Variants in ANXA3 observed in about 807,000 individuals in gnomAD.
ANXA3 encodes the protein annexin A3, also known as 35-alpha calcimedin.
In ANXA3, 46 loss-of-function variants were observed where a neutral mutation model predicts 48.8. The observed-to-expected ratio is 0.94, with a 90% CI of 0.74 to 1.21. The LOEUF is 1.21. ANXA3 is among the 50% of genes most tolerant of loss of function. ANXA3 has a pLI of 0.00. For missense variants in ANXA3, 383 were observed against 378.6 expected (o/e 1.01, Z -0.10); for synonymous variants, 128 against 134.7 (o/e 0.95, Z 0.35).
Position 78,586,469 on chromosome 4 carries a change from C to T in ANXA3, c.403+119C>T, listed in dbSNP as rs531072691. On this transcript the variant is annotated intron_variant, in intron 6 of 12. Transcript: ENST00000264908. ...TTTGAGAAGACAAGACTTACAGAAA[C>T]GAGAATACATTCTAAAATCAGCTAA... 169 of 658,594 alleles carry T rather than the reference C, an allele frequency of 2.6e-4. 1 individual carries two copies. The highest frequency in any genetic ancestry group is 2.1e-3 in the South Asian group (92 of 44,178). The allele number at this position is 658,594 out of a possible 1,614,324, so 40.8% of individuals were successfully genotyped here. A position where few individuals can be genotyped will look rare whatever the true frequency, so the allele number is the denominator to read the frequency against.
At chr4:78,585,737 A>G (rs1723161025) in intron 5 of ANXA3, among the ~76,000 whole-genome samples, 1 of 152,184 alleles carries the variant, frequency 6.6e-6, no homozygotes, top group Non-Finnish European at 1.5e-5. Flanking sequence ...TCTTGGAGTC[A>G]CAGTGTGATT....
chr4:78,557,694 T>C (rs71596769), intron 2 of ANXA3, among the ~76,000 whole-genome samples: 104,390 of 147,046 alleles, frequency 0.71, 37,906 homozygotes, highest in East Asian at 0.88. Flanking sequence ...TTTTTCTTTT[T>C]TTTTTTTTTT....
At chr4:78,567,314 G>A (rs1195569772) in intron 2 of ANXA3, among the ~76,000 whole-genome samples, 1 of 152,190 alleles carries the variant, frequency 6.6e-6, no homozygotes, top group Non-Finnish European at 1.5e-5. Flanking sequence ...TCAAGGTGTG[G>A]TCAGGGCCGT....
intron 2 of ANXA3, among the ~76,000 whole-genome samples, chr4:78,560,509 C>T (rs987686418): frequency 6.6e-6 from 1 of 152,202 alleles, no homozygotes; most frequent in Non-Finnish European, 1.5e-5. Flanking sequence ...ATCAGGGCAC[C>T]TCACCCTCCT....
At position 78,610,188 on chromosome 4, in the gene ANXA3, T is replaced by G; in HGVS notation, c.*73T>G. 1 of 1,086,474 alleles carries G rather than the reference T, an allele frequency of 9.2e-7. No individual in the cohort carries two copies. 67.3% of individuals were successfully genotyped at this position (1,086,474 alleles called of 1,614,324 possible). On this transcript the variant is annotated 3_prime_UTR_variant, in exon 13 of 13. Transcript: ENST00000264908. ...TCCACCTTACTTCTTCTCATACTAT[T>G]TAAGAGAACAAGCAAATATAAACAG...
chr4:78,604,739 G>A (rs926617565), intron 12 of ANXA3, among the ~76,000 whole-genome samples: 9 of 152,106 alleles, frequency 5.9e-5, no homozygotes, highest in Non-Finnish European at 1.0e-4. Flanking sequence ...AGAAAAATAC[G>A]TATTTTAAAT....
intron 12 of ANXA3, among the ~76,000 whole-genome samples, chr4:78,606,566 C>T (rs114105101): frequency 0.025 from 3,773 of 152,254 alleles, 64 homozygotes; most frequent in Non-Finnish European, 0.035. Context: ...GTCCAACCTT[C>T]GCTATGGCCC....
chr4:78,601,408 G>T, intron 10 of ANXA3, 102 bp from the exon 11 acceptor site: 1 of 1,039,762 alleles, frequency 9.6e-7, no homozygotes, highest in South Asian at 1.4e-5. Flanking sequence ...GGGATAGAGT[G>T]GTATGACAGT....
At chr4:78,581,043 C>G (rs1393227269) in intron 4 of ANXA3, among the ~76,000 whole-genome samples, 1 of 152,120 alleles carries the variant, frequency 6.6e-6, no homozygotes, top group East Asian at 1.9e-4. Flanking sequence ...GCTGCAGTGG[C>G]TTGGATTGAG....
chr4:78,572,229 A>G (rs1437045773), intron 2 of ANXA3, among the ~76,000 whole-genome samples: 1 of 152,248 alleles, frequency 6.6e-6, no homozygotes, highest in African/African-American at 2.4e-5. Flanking sequence ...CCAATGTTTT[A>G]TATTTGTAAT....
At chr4:78,581,803 G>A (rs1327433652) in intron 4 of ANXA3, among the ~76,000 whole-genome samples, 3 of 152,074 alleles carry the variant, frequency 2.0e-5, no homozygotes, top group Non-Finnish European at 2.9e-5. Context: ...GCAAGACACC[G>A]AGGAAGAGAG....
Position 78,601,543 on chromosome 4 carries a change from C to A in ANXA3, c.764C>A (p.Ala255Asp). Residue 255 changes from alanine (A) to aspartate (D), a missense_variant, in exon 11 of 13, where the codon GCC becomes GAC. Transcript: ENST00000264908. Reference sequence around the variant, plus strand: ...GTGAGGAACACGCCGGCCTTTTTAGCCGAAAGACTGCATCGAGCCTTGAAG... The same window carrying A: ...GTGAGGAACACGCCGGCCTTTTTAGACGAAAGACTGCATCGAGCCTTGAAG... ...NCVRNTPAFL[A>D]ERLHRALKGI... 1 of 1,613,978 alleles carries A rather than the reference C, an allele frequency of 6.2e-7. No individual in the cohort carries two copies. Among genetic ancestry groups the A allele is most frequent in the Non-Finnish European group, 8.5e-7 (1 of 1,179,870 alleles).
chr4:78,566,544 C>T (rs1301432859), intron 2 of ANXA3, among the ~76,000 whole-genome samples: 1 of 150,454 alleles, frequency 6.6e-6, no homozygotes, highest in Non-Finnish European at 1.5e-5. Context: ...GAACTGGAGG[C>T]CATTATCCTG....
intron 3 of ANXA3, among the ~76,000 whole-genome samples, chr4:78,577,297 AG>A (rs1236007285): frequency 2.0e-5 from 3 of 152,222 alleles, no homozygotes; most frequent in Non-Finnish European, 4.4e-5. Flanking sequence ...AGATAAAGAA[AG>A]GAATCTGAGA....
chr4:78,557,979 T>C (rs1308377787), intron 2 of ANXA3, among the ~76,000 whole-genome samples: 7 of 152,192 alleles, frequency 4.6e-5, no homozygotes, highest in African/African-American at 1.7e-4. Flanking sequence ...CCAGTTTCCA[T>C]TGACAGAAGA....
At chr4:78,593,502 T>G (rs1456972041) in intron 7 of ANXA3, among the ~76,000 whole-genome samples, 1 of 151,190 alleles carries the variant, frequency 6.6e-6, no homozygotes, top group Non-Finnish European at 1.5e-5. Flanking sequence ...GCGCCCCGCC[T>G]TTGAGTTTTT....
intron 2 of ANXA3, among the ~76,000 whole-genome samples, chr4:78,559,177 T>A (rs757226703): frequency 2.6e-5 from 4 of 152,094 alleles, no homozygotes; most frequent in African/African-American, 7.2e-5. Context: ...CCTCCTGGGC[T>A]CAAGCGATCC....
chr4:78,582,304 A>G lies in ANXA3; in HGVS notation c.312+14A>G, dbSNP rs1723089376. 6.4e-7 allele frequency: 1 copy of G among 1,562,962 alleles called. No individual in the cohort carries two copies. Among genetic ancestry groups the G allele is most frequent in the Admixed American group, 1.7e-5 (1 of 59,510 alleles). ...AAATCCATGAAGGTATGAGCCCCCC[A>G]CAAGCCATTTCTGCCCAGGGTTTGA... On this transcript the variant is annotated intron_variant, in intron 5 of 12. Transcript: ENST00000264908.
intron 1 of ANXA3, chr4:78,553,894 T>G (rs1056403934): frequency 2.0e-5 from 3 of 152,408 alleles, no homozygotes; most frequent in African/African-American, 7.2e-5. Flanking sequence ...GCCTTTCACC[T>G]CTGCACCCCA....
Sources: gnomAD v4.1 joint callset for allele counts (sites outside exome capture counted in the v4.1 genomes callset) on GRCh38, gnomAD v4.1.1 for gene constraint, MANE v1.5 for transcripts, NCBI Gene and HGNC (gene_info 2026-07-23, HGNC 2026-07-21) for gene names.